Variants in GALNTL5 observed in about 807,000 individuals in gnomAD.
GALNTL5 encodes inactive polypeptide N-acetylgalactosaminyltransferase-like protein 5.
Under a neutral mutation model 51.0 loss-of-function variants are expected in GALNTL5, and 44 were observed. The ratio of observed to expected loss-of-function variants is 0.86; its 90% CI spans 0.68 to 1.11. GALNTL5 has a LOEUF of 1.11. Among genes scored for constraint, GALNTL5 ranks in the 50% least tolerant of loss-of-function variants. The probability of loss-of-function intolerance (pLI) is 0.00; values close to 1 mark genes in which losing one functional copy is unlikely to be tolerated. For synonymous variants in GALNTL5, 192 were observed against 182.8 expected (o/e 1.05, Z -0.41); for missense variants, 528 against 531.8 (o/e 0.99, Z 0.07).
intron 1 of GALNTL5, among the ~76,000 whole-genome samples, chr7:151,957,206 T>C (rs867706651): frequency 5.3e-5 from 8 of 151,476 alleles, no homozygotes; most frequent in East Asian, 3.9e-4. Context: ...TGTGATATTA[T>C]CTAAAGCATG....
At chr7:151,977,076 T>A (rs1339105394) in intron 3 of GALNTL5, among the ~76,000 whole-genome samples, 1 of 152,218 alleles carries the variant, frequency 6.6e-6, no homozygotes, top group African/African-American at 2.4e-5. Context: ...AGGTACATTA[T>A]ACAAATGATG....
chr7:151,973,315 A>T (rs534108563), intron 3 of GALNTL5, among the ~76,000 whole-genome samples: 195 of 151,100 alleles, frequency 1.3e-3, no homozygotes, highest in Non-Finnish European at 1.7e-3. Context: ...AAAAAAAAAA[A>T]TTAGCCAGGC....
At position 152,019,774 on chromosome 7, in the gene GALNTL5, G is replaced by T; in HGVS notation, c.1305G>T (p.Glu435Asp). ...FQWYLDNVFP[E>D]LEASVNSL is the part of the protein sequence containing the mutation. Reference sequence around the variant, plus strand: ...GGTATTTGGATAATGTCTTCCCAGAGTTGGAGGCATCTGTGAACAGCCTGT... The same window carrying T: ...GGTATTTGGATAATGTCTTCCCAGATTTGGAGGCATCTGTGAACAGCCTGT... The change falls in exon 9 of 9, where the codon GAG becomes GAT. Residue 435 changes from glutamate to aspartate, a missense_variant. Glu to Asp is a conservative substitution (Grantham distance 45, BLOSUM62 2). Coordinates refer to ENST00000392800, the MANE Select transcript of GALNTL5 (RefSeq NM_145292.4). 1 of 1,613,174 alleles carries T rather than the reference G, an allele frequency of 6.2e-7. No homozygotes were observed. The highest frequency in any genetic ancestry group is 8.5e-7 in the Non-Finnish European group (1 of 1,179,498).
At position 151,987,177 on chromosome 7, in the gene GALNTL5, T is replaced by C. The variant is rs776166131; in HGVS notation, c.554T>C (p.Leu185Pro). 1 of 1,590,004 alleles carries C rather than the reference T, an allele frequency of 6.3e-7. No individual in the cohort carries two copies. The highest frequency in any genetic ancestry group is 8.5e-7 in the Non-Finnish European group (1 of 1,172,508). ...MSKVDDLKEKLDYHLETFRGK... is the reference protein window; with the variant it reads ...MSKVDDLKEKPDYHLETFRGK... ...TTTCCAGATGATTTGAAAGAAAAAC[T>C]AGACTATCACCTGGAAACTTTTCGG... The change falls in exon 5 of 9, where the codon CTA (leucine) becomes CCA (proline). Residue 185 changes from leucine to proline, a missense_variant. Physicochemically the swap from Leu to Pro is moderately conservative, Grantham distance 98. Transcript: ENST00000392800.
intron 8 of GALNTL5, among the ~76,000 whole-genome samples, chr7:152,016,703 C>A (rs1234413885): frequency 6.6e-6 from 1 of 152,132 alleles, no homozygotes; most frequent in Non-Finnish European, 1.5e-5. Flanking sequence ...CAGTGGACAA[C>A]TGTGATATAT....
At chr7:152,014,835 G>C in intron 8 of GALNTL5, 42 bp downstream of exon 8, 1 of 1,551,416 alleles carries the variant, frequency 6.4e-7, no homozygotes, top group Non-Finnish European at 8.7e-7. Context: ...ATGCGAGGCC[G>C]GAGCAGGACT....
intron 1 of GALNTL5, among the ~76,000 whole-genome samples, chr7:151,966,129 T>C (rs1316949344): frequency 6.6e-6 from 1 of 152,214 alleles, no homozygotes; most frequent in Non-Finnish European, 1.5e-5. Context: ...TTGCACATGA[T>C]GTTTTTTAGA....
At chr7:151,979,696 A>G (rs2081255274) in intron 3 of GALNTL5, among the ~76,000 whole-genome samples, 1 of 152,122 alleles carries the variant, frequency 6.6e-6, no homozygotes, top group South Asian at 2.1e-4. Context: ...ACCTCTGGTG[A>G]TCCGCCCACC....
intron 1 of GALNTL5, among the ~76,000 whole-genome samples, chr7:151,962,620 T>G (rs1969557): frequency 0.66 from 99,277 of 150,788 alleles, 33,395 homozygotes; most frequent in Non-Finnish European, 0.72. Flanking sequence ...TTTGTTTGTT[T>G]GTTTAATAGA....
At chr7:152,014,565 G>A (rs527379860) in intron 7 of GALNTL5, 79 bp from the exon 8 acceptor site, 13 of 1,385,960 alleles carry the variant, frequency 9.4e-6, no homozygotes. Flanking sequence ...ACCGCACCTG[G>A]CCATTATATT....
chr7:152,019,886 C>A lies in GALNTL5; in HGVS notation c.*85C>A. On this transcript the variant is annotated 3_prime_UTR_variant, in exon 9 of 9. Transcript: ENST00000392800. ...GTGTCACAAGAGTGTAAGTTTGGAA[C>A]ATCGTGGAATTACGTGAAATGCAAT... The A allele has an allele frequency of 8.5e-7, 1 of 1,173,908 alleles. No individual in the cohort carries two copies. The highest frequency in any genetic ancestry group is 1.2e-6 in the Non-Finnish European group (1 of 837,586). 72.7% of individuals were successfully genotyped at this position (1,173,908 alleles called of 1,614,324 possible).
intron 2 of GALNTL5, among the ~76,000 whole-genome samples, chr7:151,970,128 G>A (rs1025977008): frequency 1.4e-4 from 20 of 140,722 alleles, no homozygotes; most frequent in African/African-American, 4.9e-4. Context: ...GAATTCTTTG[G>A]TGGGTGGGGA....
chr7:151,980,794 G>C (rs2081271142), intron 3 of GALNTL5, among the ~76,000 whole-genome samples: 1 of 122,738 alleles, frequency 8.1e-6, no homozygotes, highest in Non-Finnish European at 1.6e-5. Flanking sequence ...CGCCCAGGCT[G>C]GAGTGCAGTG....
chr7:151,960,162 C>T (rs974854286), intron 1 of GALNTL5: 8 of 152,286 alleles, frequency 5.3e-5, no homozygotes, highest in Admixed American at 4.6e-4. Flanking sequence ...CCTCAGCCTT[C>T]CTTGCCTTTT....
intron 2 of GALNTL5, among the ~76,000 whole-genome samples, chr7:151,968,591 G>T (rs76086244): frequency 0.043 from 6,505 of 152,298 alleles, 204 homozygotes; most frequent in East Asian, 0.17. Flanking sequence ...CCACTCGGAT[G>T]GTGAGAGAAA....
chr7:152,012,548 T>C lies in GALNTL5; in HGVS notation c.1027-2096T>C, dbSNP rs116413283. Among the ~76,000 whole-genome samples the C allele has an allele frequency of 2.9e-3, 445 of 152,322 alleles. 1 individual carries two copies. Among genetic ancestry groups the C allele is most frequent in the African/African-American group, 0.011 (437 of 41,570 alleles). On this transcript the variant is annotated intron_variant, in intron 7 of 8. Transcript: ENST00000392800. ...GAACTACCATTTGACCCAGCAATCCTATTACTGGGTATATTACCCAAAGGA... is the reference window on the plus strand; with the variant it reads ...GAACTACCATTTGACCCAGCAATCCCATTACTGGGTATATTACCCAAAGGA...
At position 151,994,269 on chromosome 7, in the gene GALNTL5, C is replaced by T. The variant is rs142332214; in HGVS notation, c.658+6988C>T. ...GGCCCTTCCTTAACTTATCTCTTGC[C>T]GACTGTGTGCTACCCATGCACATTT... On this transcript the variant is annotated intron_variant, in intron 5 of 8. Transcript: ENST00000392800. Among the ~76,000 whole-genome samples the T allele has an allele frequency of 1.6e-3, 239 of 152,264 alleles. 2 individuals are homozygous for T. Among genetic ancestry groups the T allele is most frequent in the African/African-American group, 4.7e-3 (195 of 41,546 alleles).
At chr7:151,965,000 C>A (rs1335850535) in intron 1 of GALNTL5, among the ~76,000 whole-genome samples, 2 of 152,166 alleles carry the variant, frequency 1.3e-5, no homozygotes, top group Non-Finnish European at 2.9e-5. Context: ...GGTTTTAGCC[C>A]CAAGTTTTCC....
chr7:151,980,054 TC>T (rs60329482), intron 3 of GALNTL5, among the ~76,000 whole-genome samples: 6,797 of 152,244 alleles, frequency 0.045, 484 homozygotes, highest in African/African-American at 0.15. Context: ...TCTCTTTCTC[TC>T]CTACTTTCTG....
Sources: gnomAD v4.1 joint callset for allele counts (sites outside exome capture counted in the v4.1 genomes callset) on GRCh38, gnomAD v4.1.1 for gene constraint, MANE v1.5 for transcripts, NCBI Gene and HGNC (gene_info 2026-07-23, HGNC 2026-07-21) for gene names.